The following CCSER1 variants were observed in gnomAD, a reference collection of about 807,000 sequenced individuals.
CCSER1 encodes serine-rich coiled-coil domain-containing protein 1.
In CCSER1, 41 loss-of-function variants were observed where a neutral mutation model predicts 82.0. That is an observed-to-expected ratio of 0.50 (90% CI 0.39 to 0.65). The LOEUF is 0.65. Among genes scored for constraint, CCSER1 ranks in the 30% least tolerant of loss-of-function variants. The pLI, the probability that CCSER1 is intolerant of heterozygous loss-of-function variation, is 0.00. For synonymous variants in CCSER1, 414 were observed against 383.9 expected (o/e 1.08, Z -0.92); for missense variants, 1,119 against 1,064.2 (o/e 1.05, Z -0.72).
At chr4:91,119,349 G>A (rs910300580) in intron 10 of CCSER1, among the ~76,000 whole-genome samples, 2 of 151,828 alleles carry the variant, frequency 1.3e-5, no homozygotes, top group African/African-American at 2.4e-5. Flanking sequence ...TTTCAGATAT[G>A]CAAAATTATA....
intron 9 of CCSER1, among the ~76,000 whole-genome samples, chr4:90,957,591 ATT>A (rs1733638294): frequency 7.7e-6 from 1 of 130,606 alleles, no homozygotes; most frequent in Admixed American, 9.1e-5. Context: ...ATATATTATT[ATT>A]TATATTATAT....
At chr4:91,099,439 G>A (rs778498624) in intron 10 of CCSER1, among the ~76,000 whole-genome samples, 4 of 152,096 alleles carry the variant, frequency 2.6e-5, no homozygotes, top group African/African-American at 7.2e-5. Context: ...TATACTTATT[G>A]TCAATGAAAA....
intron 5 of CCSER1, among the ~76,000 whole-genome samples, chr4:90,606,682 T>A (rs563594451): frequency 2.0e-4 from 30 of 152,260 alleles, no homozygotes; most frequent in African/African-American, 7.2e-4. Flanking sequence ...ATGGCATGGA[T>A]ATGCAGGAAA....
chr4:91,085,139 CA>C (rs1380623241), intron 9 of CCSER1, among the ~76,000 whole-genome samples: 4 of 151,230 alleles, frequency 2.6e-5, no homozygotes, highest in Non-Finnish European at 4.4e-5. Context: ...ATTGATAGTG[CA>C]ATGTATGTGA....
intron 10 of CCSER1, among the ~76,000 whole-genome samples, chr4:91,444,042 A>T (rs1755391542): frequency 2.0e-5 from 3 of 152,164 alleles, no homozygotes; most frequent in Admixed American, 2.0e-4. Context: ...ATTTTGTCTC[A>T]TTCAACTTTT....
At chr4:90,919,719 A>G (rs1275320928) in intron 8 of CCSER1, among the ~76,000 whole-genome samples, 1 of 151,900 alleles carries the variant, frequency 6.6e-6, no homozygotes, top group Admixed American at 6.6e-5. Flanking sequence ...CTTAGAGAAG[A>G]AAAATATTTT....
intron 9 of CCSER1, among the ~76,000 whole-genome samples, chr4:91,070,125 C>T (rs1721276748): frequency 6.6e-6 from 1 of 151,912 alleles, no homozygotes; most frequent in Admixed American, 6.6e-5. Context: ...GCTGGGATTA[C>T]AGGTGCCCAC....
At chr4:90,868,333 C>A (rs1203529811) in intron 8 of CCSER1, among the ~76,000 whole-genome samples, 1 of 151,846 alleles carries the variant, frequency 6.6e-6, no homozygotes, top group Non-Finnish European at 1.5e-5. Context: ...TCCCTTTTTC[C>A]CCCACCACTC....
chr4:90,574,557 C>A (rs117641215), intron 5 of CCSER1, among the ~76,000 whole-genome samples: 1 of 151,688 alleles, frequency 6.6e-6, no homozygotes, highest in Non-Finnish European at 1.5e-5. Context: ...CGTGAGCCAC[C>A]GCGCCTGGCC....
chr4:91,143,434 T>G (rs1039437651), intron 10 of CCSER1, among the ~76,000 whole-genome samples: 4 of 152,134 alleles, frequency 2.6e-5, no homozygotes, highest in Non-Finnish European at 5.9e-5. Flanking sequence ...TGAAGAGAGA[T>G]AATTTGACTT....
chr4:90,298,796 C>A (rs965256146), intron 1 of CCSER1, among the ~76,000 whole-genome samples: 3 of 152,098 alleles, frequency 2.0e-5, no homozygotes, highest in Non-Finnish European at 4.4e-5. Context: ...CCCAGCTGTT[C>A]TTGTATCAGA....
At chr4:91,020,172 T>C (rs1179430317) in intron 9 of CCSER1, among the ~76,000 whole-genome samples, 1 of 152,164 alleles carries the variant, frequency 6.6e-6, no homozygotes, top group Admixed American at 6.5e-5. Flanking sequence ...AGATGGAATT[T>C]TTTCTGTACT....
At chr4:90,202,554 A>C (rs1737967321) in intron 1 of CCSER1, among the ~76,000 whole-genome samples, 1 of 152,174 alleles carries the variant, frequency 6.6e-6, no homozygotes, top group South Asian at 2.1e-4. Flanking sequence ...AACTGGCTGG[A>C]CTAAGGGTCT....
intron 6 of CCSER1, among the ~76,000 whole-genome samples, chr4:90,634,415 T>C (rs550914266): frequency 8.6e-5 from 13 of 151,930 alleles, no homozygotes; most frequent in African/African-American, 3.1e-4. Flanking sequence ...TTTAAGACTT[T>C]CAAGGATAAT....
In CCSER1 at chr4:90,628,025, G is replaced by A; in HGVS notation, c.1725G>A (p.Gln575=). Reference sequence around the variant, plus strand: ...TTGTTCTTTTTTTTTTTCTTGTTAGGAATCTTTCCCTGAAATTAACAAAGG... The same window carrying A: ...TTGTTCTTTTTTTTTTTCTTGTTAGAAATCTTTCCCTGAAATTAACAAAGG... ...EEPEFPEPSK[Q]NLSLKLTKDV... The change falls in exon 6 of 11, where the codon CAG becomes CAA. Residue 575 remains glutamine, a splice_region_variant and synonymous_variant. Transcript: ENST00000509176. 6.2e-7 allele frequency: 1 copy of A among 1,611,112 alleles called. No individual in the cohort carries two copies. Among genetic ancestry groups the A allele is most frequent in the African/African-American group, 1.3e-5 (1 of 74,580 alleles).
At chr4:90,293,766 A>G (rs191078705) in intron 1 of CCSER1, among the ~76,000 whole-genome samples, 1 of 151,966 alleles carries the variant, frequency 6.6e-6, no homozygotes, top group Admixed American at 6.6e-5. Context: ...AAGAACATGC[A>G]TCTCAGATAT....
chr4:91,162,382 TA>T (rs1731510966), intron 10 of CCSER1, among the ~76,000 whole-genome samples: 1 of 152,258 alleles, frequency 6.6e-6, no homozygotes, highest in African/African-American at 2.4e-5. Context: ...GATACTCATC[TA>T]AAATTCTCTT....
intron 6 of CCSER1, among the ~76,000 whole-genome samples, chr4:90,640,020 T>C (rs1318624167): frequency 6.6e-6 from 1 of 151,958 alleles, no homozygotes; most frequent in African/African-American, 2.4e-5. Flanking sequence ...ACTAAGAGCA[T>C]AGTGTCTTTC....
At chr4:90,570,461 A>T (rs957540577) in intron 5 of CCSER1, among the ~76,000 whole-genome samples, 9 of 151,806 alleles carry the variant, frequency 5.9e-5, no homozygotes, top group Non-Finnish European at 1.2e-4. Flanking sequence ...CTGCCCTTGA[A>T]CCCACTGCAT....
Sources: gnomAD v4.1 joint callset for allele counts (sites outside exome capture counted in the v4.1 genomes callset) on GRCh38, gnomAD v4.1.1 for gene constraint, MANE v1.5 for transcripts, NCBI Gene and HGNC (gene_info 2026-07-23, HGNC 2026-07-21) for gene names.